PARP8: variants seen among roughly 807,000 people sequenced by gnomAD.
The protein encoded by PARP8 is protein mono-ADP-ribosyltransferase PARP8.
Under a neutral mutation model 124.1 loss-of-function variants are expected in PARP8, and 51 were observed. The ratio of observed to expected loss-of-function variants is 0.41; its 90% CI spans 0.33 to 0.52. The LOEUF (loss-of-function observed/expected upper bound fraction) is 0.52, where lower values mean the gene tolerates loss of function less well. Among genes scored for constraint, PARP8 ranks in the 20% least tolerant of loss-of-function variants. The pLI, the probability that PARP8 is intolerant of heterozygous loss-of-function variation, is 0.21. For missense variants in PARP8, 860 were observed against 1,018.9 expected (o/e 0.84, Z 2.12); for synonymous variants, 391 against 361.5 (o/e 1.08, Z -0.93).
At chr5:50,737,584 A>G (rs1580150336) in intron 2 of PARP8, among the ~76,000 whole-genome samples, 1 of 152,214 alleles carries the variant, frequency 6.6e-6, no homozygotes, top group African/African-American at 2.4e-5. Context: ...AACAGTATCA[A>G]CAGTATCTAG....
At chr5:50,696,587 T>G (rs1431020027) in intron 2 of PARP8, among the ~76,000 whole-genome samples, 3 of 152,192 alleles carry the variant, frequency 2.0e-5, no homozygotes, top group Non-Finnish European at 4.4e-5. Flanking sequence ...ATTTTCCCTT[T>G]GCTCTGATAT....
intron 7 of PARP8, among the ~76,000 whole-genome samples, chr5:50,773,471 CAGTT>C (rs1761831591): frequency 1.3e-5 from 2 of 152,148 alleles, no homozygotes; most frequent in Admixed American, 6.5e-5. Context: ...TGTTGAAAAT[CAGTT>C]GGTTGTAAGT....
intron 14 of PARP8, among the ~76,000 whole-genome samples, chr5:50,814,339 GTTGAAA>G (rs200318401): frequency 0.025 from 3,793 of 152,178 alleles, 152 homozygotes; most frequent in African/African-American, 0.087. Context: ...AGGAAAAGTT[GTTGAAA>G]TTGAACAGTT....
At position 50,686,663 on chromosome 5, in the gene PARP8, T is replaced by C. The variant is rs141703679; in HGVS notation, c.146+18538T>C. On this transcript the variant is annotated intron_variant, in intron 2 of 25. Coordinates refer to ENST00000281631, the MANE Select transcript of PARP8 (RefSeq NM_024615.4). ...ACTTTTGCCTGGGCATCCAGGCATT[T>C]CCATACATCCTCTAAAATCTAGAGA... is the stretch of plus-strand genomic sequence containing the variant. 0.013 allele frequency among the ~76,000 whole-genome samples: 1,998 copies of C among 152,302 alleles called. 135 individuals carry two copies. In the East Asian group the frequency reaches 0.21, roughly 16 times the overall value.
At chr5:50,829,746 A>T in intron 21 of PARP8, 146 bp from the exon 22 acceptor site, 1 of 651,832 alleles carries the variant, frequency 1.5e-6, no homozygotes, top group Non-Finnish European at 2.3e-6. Context: ...GGATATTAGT[A>T]CTGTTTTCAA....
intron 2 of PARP8, among the ~76,000 whole-genome samples, chr5:50,670,333 T>C (rs1749861763): frequency 6.6e-6 from 1 of 152,196 alleles, no homozygotes; most frequent in Admixed American, 6.5e-5. Flanking sequence ...ATCTAACCAT[T>C]AAGAACATAT....
intron 2 of PARP8, among the ~76,000 whole-genome samples, chr5:50,673,437 T>C (rs1345526482): frequency 6.6e-6 from 1 of 152,242 alleles, no homozygotes; most frequent in African/African-American, 2.4e-5. Flanking sequence ...GCATCGTCTC[T>C]GCTGTTCTCT....
chr5:50,731,211 A>G lies in PARP8; in HGVS notation c.147-18940A>G, dbSNP rs1455092856. Among the ~76,000 whole-genome samples the G allele has an allele frequency of 2.0e-5, 3 of 152,210 alleles. No individual in the cohort carries two copies. The East Asian group carries it at 5.8e-4, about 29-fold the overall frequency. Reference sequence around the variant, plus strand: ...GATTTCTGACTTCTGTTCCAACCTAACACTCTGTGAAATCAAGATCACATG... The same window carrying G: ...GATTTCTGACTTCTGTTCCAACCTAGCACTCTGTGAAATCAAGATCACATG... On this transcript the variant is annotated intron_variant, in intron 2 of 25. Transcript: ENST00000281631.
intron 2 of PARP8, among the ~76,000 whole-genome samples, chr5:50,747,506 C>A (rs959834275): frequency 1.4e-4 from 21 of 151,350 alleles, no homozygotes; most frequent in Admixed American, 3.9e-4. Flanking sequence ...TTGAGTTGTT[C>A]ATTTTTCCTC....
chr5:50,779,480 TC>T (rs1361799701), intron 9 of PARP8, among the ~76,000 whole-genome samples: 1 of 152,214 alleles, frequency 6.6e-6, no homozygotes, highest in East Asian at 1.9e-4. Flanking sequence ...ATCTAGGGAC[TC>T]ACCTGAGGCT....
chr5:50,822,942 T>G (rs1745929203), intron 17 of PARP8, among the ~76,000 whole-genome samples: 2 of 152,186 alleles, frequency 1.3e-5, no homozygotes, highest in African/African-American at 2.4e-5. Flanking sequence ...ATCTAACACA[T>G]CCCTGGGCTA....
At position 50,774,822 on chromosome 5, in the gene PARP8, G is replaced by A. The variant is rs187754907; in HGVS notation, c.519-3247G>A. ...TTCCCAGACGAGGCGGCCGGGCAGA[G>A]GCGCTCCTCACTTCCTAGATGGGGT... is the stretch of plus-strand genomic sequence containing the variant. On this transcript the variant is annotated intron_variant, in intron 7 of 25. Coordinates refer to ENST00000281631, the MANE Select transcript of PARP8 (RefSeq NM_024615.4). Among the ~76,000 whole-genome samples, 795 of 147,382 alleles carry A rather than the reference G, an allele frequency of 5.4e-3. 5 individuals carry two copies. The highest frequency in any genetic ancestry group is 9.6e-3 in the Non-Finnish European group (642 of 66,848).
intron 2 of PARP8, among the ~76,000 whole-genome samples, chr5:50,692,111 A>G (rs1014466879): frequency 1.3e-5 from 2 of 152,104 alleles, no homozygotes; most frequent in African/African-American, 4.8e-5. Flanking sequence ...ACCCATAGCA[A>G]AATTATCTTT....
chr5:50,825,963 G>C (rs1216925764), intron 18 of PARP8, among the ~76,000 whole-genome samples: 1 of 152,042 alleles, frequency 6.6e-6, no homozygotes, highest in Admixed American at 6.6e-5. Flanking sequence ...CTTTGTATCT[G>C]TTATGATCTG....
At chr5:50,734,194 C>T (rs1014319581) in intron 2 of PARP8, among the ~76,000 whole-genome samples, 1 of 151,730 alleles carries the variant, frequency 6.6e-6, no homozygotes, top group Non-Finnish European at 1.5e-5. Flanking sequence ...GGATGTTTAT[C>T]TTCTTGTCAG....
chr5:50,729,191 G>T (rs898442939), intron 2 of PARP8, among the ~76,000 whole-genome samples: 4 of 152,060 alleles, frequency 2.6e-5, no homozygotes, highest in Non-Finnish European at 4.4e-5. Flanking sequence ...TTTTAGTAGG[G>T]TCATCTCATT....
At chr5:50,685,661 C>G (rs1751778094) in intron 2 of PARP8, among the ~76,000 whole-genome samples, 1 of 152,246 alleles carries the variant, frequency 6.6e-6, no homozygotes, top group East Asian at 1.9e-4. Context: ...CTGTCTTAGT[C>G]TGTTTTCATG....
chr5:50,693,540 T>C (rs1752708265), intron 2 of PARP8, among the ~76,000 whole-genome samples: 1 of 152,082 alleles, frequency 6.6e-6, no homozygotes, highest in African/African-American at 2.4e-5. Flanking sequence ...ATTTCAGAGT[T>C]ATGCATACTT....
chr5:50,775,801 C>G (rs1304132508), intron 7 of PARP8, among the ~76,000 whole-genome samples: 1 of 151,828 alleles, frequency 6.6e-6, no homozygotes, highest in Non-Finnish European at 1.5e-5. Context: ...TTTGGTGGAG[C>G]CTTTAGAGTT....
Sources: allele counts gnomAD v4.1 joint callset (sites outside exome capture counted in the v4.1 genomes callset), GRCh38; gene constraint gnomAD v4.1.1; transcripts MANE v1.5; gene names NCBI Gene and HGNC (gene_info 2026-07-23, HGNC 2026-07-21).